Variants in MXRA7 observed in about 807,000 individuals in gnomAD.
The protein encoded by MXRA7 is matrix-remodeling-associated protein 7.
A neutral mutation model predicts 17.4 loss-of-function variants in MXRA7; 18 were observed. The ratio of observed to expected loss-of-function variants is 1.03; its 90% CI spans 0.71 to 1.53. The LOEUF (loss-of-function observed/expected upper bound fraction) is 1.53, where lower values mean the gene tolerates loss of function less well. Ranked by LOEUF, MXRA7 falls within the 40% of genes most tolerant of loss-of-function variation. The pLI is 0.00. For synonymous variants in MXRA7, 70 were observed against 101.7 expected (o/e 0.69, Z 1.87); for missense variants, 141 against 209.3 (o/e 0.67, Z 2.01).
intron 1 of MXRA7, 25 bp downstream of exon 1, chr17:76,710,580 G>C: frequency 7.8e-7 from 1 of 1,288,216 alleles, no homozygotes; most frequent in Middle Eastern, 3.1e-4. Flanking sequence ...GGTGGGGAGG[G>C]GGCCGCGAGG....
At chr17:76,683,480 A>G (rs1472366579) in intron 3 of MXRA7, among the ~76,000 whole-genome samples, 1 of 152,210 alleles carries the variant, frequency 6.6e-6, no homozygotes, top group Non-Finnish European at 1.5e-5. Context: ...AAGCTGCCTC[A>G]TCTTCTCAGG....
At chr17:76,678,359 G>A (rs2076257868), downstream of MXRA7, among the ~76,000 whole-genome samples, 1 of 152,174 alleles carries the variant, frequency 6.6e-6, no homozygotes, top group Admixed American at 6.5e-5. Context: ...TGCTCCACGC[G>A]GGTTCTGTGC....
At chr17:76,692,297 A>G (rs562054243) in intron 1 of MXRA7, among the ~76,000 whole-genome samples, 57 of 147,976 alleles carry the variant, frequency 3.9e-4, no homozygotes, top group Non-Finnish European at 6.5e-4. Context: ...CTTGTTGCCC[A>G]GGTTGGAGTG....
intron 1 of MXRA7, chr17:76,688,572 G>A: frequency 7.9e-7 from 1 of 1,259,880 alleles, no homozygotes; most frequent in Non-Finnish European, 1.0e-6. Flanking sequence ...ACCAGGGCCA[G>A]GCAGCATGGC....
chr17:76,693,833 C>T (rs1156479261), intron 1 of MXRA7, among the ~76,000 whole-genome samples: 1 of 152,168 alleles, frequency 6.6e-6, no homozygotes, highest in Non-Finnish European at 1.5e-5. Flanking sequence ...AGAGTGAAAG[C>T]CTGTCTCAAA....
intron 1 of MXRA7, among the ~76,000 whole-genome samples, chr17:76,707,585 T>C (rs1422969222): frequency 6.6e-6 from 1 of 152,168 alleles, no homozygotes; most frequent in Non-Finnish European, 1.5e-5. Flanking sequence ...ATTACAGGTG[T>C]GAGCCATCGC....
At chr17:76,706,426 C>A (rs370708585) in intron 1 of MXRA7, among the ~76,000 whole-genome samples, 15 of 145,788 alleles carry the variant, frequency 1.0e-4, no homozygotes, top group African/African-American at 3.5e-4. Context: ...ACTGCCATCA[C>A]AAAGGACCAC....
intron 1 of MXRA7, chr17:76,688,665 C>T (rs912020644): frequency 1.6e-6 from 2 of 1,238,434 alleles, no homozygotes; most frequent in Admixed American, 4.2e-5. Context: ...AAACTGGAGC[C>T]CCACCTCTTC....
In MXRA7 at chr17:76,710,964, G is replaced by C; in HGVS notation, c.-18C>G. The C allele has an allele frequency of 1.0e-6, 1 of 987,972 alleles. No homozygotes were observed. The highest frequency in any genetic ancestry group is 1.2e-6 in the Non-Finnish European group (1 of 833,760). 61.2% of individuals were successfully genotyped at this position (987,972 alleles called of 1,614,324 possible). A position where few individuals can be genotyped will look rare whatever the true frequency, so the allele number is the denominator to read the frequency against. On this transcript the variant is annotated 5_prime_UTR_variant, in exon 1 of 4. Coordinates refer to ENST00000449428, the MANE Select transcript of MXRA7 (RefSeq NM_198530.4). Reference sequence around the variant, plus strand: ...GCCTCCATCGCGCCGCGGCCGCCGAGTGCGGGCCAGCTGGGACCCCGAGGG... The same window carrying C: ...GCCTCCATCGCGCCGCGGCCGCCGACTGCGGGCCAGCTGGGACCCCGAGGG...
intron 3 of MXRA7, among the ~76,000 whole-genome samples, chr17:76,684,246 C>T (rs1300511345): frequency 2.0e-5 from 3 of 152,182 alleles, no homozygotes; most frequent in Non-Finnish European, 2.9e-5. Flanking sequence ...GACCCTAGAC[C>T]GCTGGTTTCT....
At chr17:76,683,436 A>G (rs2076336677) in intron 3 of MXRA7, among the ~76,000 whole-genome samples, 1 of 152,194 alleles carries the variant, frequency 6.6e-6, no homozygotes, top group South Asian at 2.1e-4. Flanking sequence ...GGGAGCACGG[A>G]CCGTTCTCAG....
At chr17:76,678,400 C>T (rs757428104), downstream of MXRA7, among the ~76,000 whole-genome samples, 12 of 152,176 alleles carry the variant, frequency 7.9e-5, no homozygotes, top group Non-Finnish European at 1.6e-4. Flanking sequence ...CTTTATGAGG[C>T]TCAGCTACAC....
At chr17:76,697,692 C>A (rs918494854) in intron 1 of MXRA7, among the ~76,000 whole-genome samples, 1 of 152,166 alleles carries the variant, frequency 6.6e-6, no homozygotes, top group African/African-American at 2.4e-5. Context: ...ACGGGACGTG[C>A]CTCCTGACAG....
intron 1 of MXRA7, 53 bp downstream of exon 1, chr17:76,710,552 G>A: frequency 1.6e-6 from 2 of 1,222,866 alleles, no homozygotes; most frequent in Admixed American, 4.5e-5. Flanking sequence ...GAACGGCAGC[G>A]GCAGCCGGAG....
chr17:76,691,083 TG>T (rs1002274424), intron 1 of MXRA7, among the ~76,000 whole-genome samples: 1 of 152,160 alleles, frequency 6.6e-6, no homozygotes, highest in Non-Finnish European at 1.5e-5. Flanking sequence ...ATGAGGAGCT[TG>T]GAACTTTCAG....
In MXRA7 at chr17:76,702,792, C is replaced by T. The variant is rs562868066; in HGVS notation, c.342+7813G>A. Among the ~76,000 whole-genome samples the T allele has an allele frequency of 3.9e-5, 5 of 129,616 alleles. No individual in the cohort carries two copies. In the Admixed American group the frequency reaches 4.1e-4, roughly 11 times the overall value. The allele number at this position is 129,616 out of a possible 152,430, so 85.0% of individuals were successfully genotyped here. The stretch of plus-strand genomic sequence containing the variant: ...GCTGGAACCTGGGAGGGGTAGGTTG[C>T]AGTGAGCCAAGATCGCGCCACTGCA... On this transcript the variant is annotated intron_variant, in intron 1 of 3. Transcript: ENST00000449428.
intron 2 of MXRA7, among the ~76,000 whole-genome samples, chr17:76,687,534 A>C (rs1365824395): frequency 6.6e-6 from 1 of 152,174 alleles, no homozygotes; most frequent in East Asian, 1.9e-4. Flanking sequence ...AAGTGGATGG[A>C]CCCAGCAGAA....
At chr17:76,705,620 G>T (rs2076646687) in intron 1 of MXRA7, among the ~76,000 whole-genome samples, 1 of 152,120 alleles carries the variant, frequency 6.6e-6, no homozygotes, top group South Asian at 2.1e-4. Flanking sequence ...TTTAGACGAG[G>T]TCACGATGGT....
chr17:76,684,755 C>A, intron 3 of MXRA7: 1 of 380,078 alleles, frequency 2.6e-6, no homozygotes, highest in Non-Finnish European at 4.8e-6. Flanking sequence ...TCTTTCCTGG[C>A]ATCTCATTTC....
Sources: allele counts gnomAD v4.1 joint callset (sites outside exome capture counted in the v4.1 genomes callset), GRCh38; gene constraint gnomAD v4.1.1; transcripts MANE v1.5; gene names NCBI Gene and HGNC (gene_info 2026-07-23, HGNC 2026-07-21).